Variants in PTPRD observed in about 807,000 individuals in gnomAD.
The protein encoded by PTPRD is protein tyrosine phosphatase receptor type D.
PTPRD carries 34 observed loss-of-function variants against 214.5 expected under a neutral mutation model. The observed-to-expected ratio is 0.16, with a 90% CI of 0.12 to 0.21. The LOEUF is 0.21. PTPRD is among the 10% of genes least tolerant of loss of function. The probability of loss-of-function intolerance (pLI) is 1.00; values close to 1 mark genes in which losing one functional copy is unlikely to be tolerated. For missense variants in PTPRD, 2,545 were observed against 2,398.7 expected, an observed-to-expected ratio of 1.06 and a Z score of -1.27; for synonymous variants, 1,128 against 845.7, an observed-to-expected ratio of 1.33 and a Z score of -5.79.
At chr9:8,772,855 C>G (rs890373248) in intron 11 of PTPRD, among the ~76,000 whole-genome samples, 1 of 151,942 alleles carries the variant, frequency 6.6e-6, no homozygotes, top group African/African-American at 2.4e-5. Flanking sequence ...TTTTGTGTCC[C>G]TATAAATATT....
At chr9:10,107,392 A>G (rs2098644537) in intron 3 of PTPRD, among the ~76,000 whole-genome samples, 1 of 152,082 alleles carries the variant, frequency 6.6e-6, no homozygotes, top group African/African-American at 2.4e-5. Context: ...CATGCTGCAT[A>G]AACATGACTC....
intron 11 of PTPRD, among the ~76,000 whole-genome samples, chr9:8,974,885 T>C (rs1431045436): frequency 1.3e-5 from 2 of 151,702 alleles, no homozygotes; most frequent in Non-Finnish European, 2.9e-5. Flanking sequence ...TCACCTGAAG[T>C]CAGGAGTTCG....
intron 35 of PTPRD, among the ~76,000 whole-genome samples, chr9:8,421,318 T>G (rs1245727401): frequency 6.6e-6 from 1 of 152,062 alleles, no homozygotes; most frequent in Admixed American, 6.5e-5. Context: ...TTTCTCTTCC[T>G]TCTTTCTTTC....
chr9:10,279,118 A>C (rs1400561598), intron 3 of PTPRD, among the ~76,000 whole-genome samples: 2 of 151,770 alleles, frequency 1.3e-5, no homozygotes, highest in African/African-American at 2.4e-5. Context: ...CTCAATCCTC[A>C]CTTCTCTTTG....
rs1555222269 is a variant in PTPRD at position 10,363,995 on chromosome 9, T to TTTTTTTGC, written c.-599-22979_-599-22978insGCAAAAAA. On this transcript the variant is annotated intron_variant, in intron 2 of 45. Transcript: ENST00000381196. ...TTATTGCCTCCACATTTTCGGGTTT[T>TTTTTTTGC]TTTTTTTTTTTTTTTTTTTTTTGAG... Among the ~76,000 whole-genome samples the TTTTTTTGC allele has an allele frequency of 3.4e-5, 2 of 58,806 alleles. 1 individual carries two copies. The highest frequency in any genetic ancestry group is 9.6e-5 in the Non-Finnish European group (2 of 20,742). 38.6% of individuals were successfully genotyped at this position (58,806 alleles called of 152,430 possible).
At chr9:8,863,926 A>C (rs1485311496) in intron 11 of PTPRD, among the ~76,000 whole-genome samples, 4 of 152,200 alleles carry the variant, frequency 2.6e-5, no homozygotes, top group African/African-American at 9.6e-5. Flanking sequence ...TTTGTATCTT[A>C]GGTAAGAAAA....
At chr9:8,399,697 T>A (rs2092030159) in intron 36 of PTPRD, among the ~76,000 whole-genome samples, 2 of 152,168 alleles carry the variant, frequency 1.3e-5, no homozygotes, top group African/African-American at 4.8e-5. Context: ...AAATGTGTAT[T>A]TGAAAATTCT....
At chr9:9,954,092 T>C (rs543866701) in intron 4 of PTPRD, among the ~76,000 whole-genome samples, 91 of 151,972 alleles carry the variant, frequency 6.0e-4, no homozygotes, top group African/African-American at 2.0e-3. Context: ...GGTCAGAAGT[T>C]TGAGACCAGT....
chr9:9,914,144 A>G (rs939429468), intron 5 of PTPRD, among the ~76,000 whole-genome samples: 1 of 152,110 alleles, frequency 6.6e-6, no homozygotes, highest in Non-Finnish European at 1.5e-5. Context: ...TCCTTTCCCA[A>G]TGCAGGAGAG....
intron 5 of PTPRD, among the ~76,000 whole-genome samples, chr9:9,931,371 A>C (rs1216206072): frequency 6.6e-6 from 1 of 152,146 alleles, no homozygotes; most frequent in African/African-American, 2.4e-5. Flanking sequence ...GGGTGCGTGC[A>C]CCGTGCGTGA....
intron 9 of PTPRD, among the ~76,000 whole-genome samples, chr9:9,324,508 A>C (rs1228031559): frequency 6.6e-6 from 1 of 152,154 alleles, no homozygotes; most frequent in Non-Finnish European, 1.5e-5. Flanking sequence ...GTGTCTGTTC[A>C]TATCCTTTGC....
intron 7 of PTPRD, among the ~76,000 whole-genome samples, chr9:9,646,070 C>T (rs561740362): frequency 6.6e-6 from 1 of 152,120 alleles, no homozygotes; most frequent in East Asian, 1.9e-4. Flanking sequence ...GTATTTAATA[C>T]ACATTTACAA....
chr9:10,187,051 A>T (rs1564399255), intron 3 of PTPRD, among the ~76,000 whole-genome samples: 1 of 152,194 alleles, frequency 6.6e-6, no homozygotes, highest in Non-Finnish European at 1.5e-5. Context: ...TAAGAAATCA[A>T]CATAAGAAAA....
intron 14 of PTPRD, among the ~76,000 whole-genome samples, chr9:8,534,508 T>C (rs1391038490): frequency 1.3e-5 from 2 of 151,750 alleles, no homozygotes; most frequent in Non-Finnish European, 2.9e-5. Context: ...AGAACAAGAG[T>C]GATTTCTTTT....
intron 11 of PTPRD, among the ~76,000 whole-genome samples, chr9:8,929,221 C>A (rs2098927114): frequency 6.6e-6 from 1 of 152,080 alleles, no homozygotes; most frequent in South Asian, 2.1e-4. Context: ...ACTTCCAACA[C>A]TATGTTTAAT....
chr9:10,553,250 G>C (rs1464204945), intron 2 of PTPRD, among the ~76,000 whole-genome samples: 1 of 152,018 alleles, frequency 6.6e-6, no homozygotes, highest in Non-Finnish European at 1.5e-5. Context: ...GCATATCTTA[G>C]ATCCTAGCAG....
chr9:9,806,338 T>C (rs144333947), intron 5 of PTPRD, among the ~76,000 whole-genome samples: 84 of 152,240 alleles, frequency 5.5e-4, no homozygotes, highest in Middle Eastern at 3.4e-3. Flanking sequence ...TTTAAGGTCC[T>C]CTGAGCTGGC....
chr9:10,513,151 T>C (rs534180170), intron 2 of PTPRD, among the ~76,000 whole-genome samples: 1 of 152,030 alleles, frequency 6.6e-6, no homozygotes, highest in African/African-American at 2.4e-5. Flanking sequence ...TTTTTGTCAC[T>C]GTTATTATTT....
chr9:9,678,532 C>T (rs962775919), intron 7 of PTPRD, among the ~76,000 whole-genome samples: 13 of 151,888 alleles, frequency 8.6e-5, no homozygotes, highest in African/African-American at 2.2e-4. Flanking sequence ...AAAAATCCTT[C>T]GTATTTTTAT....
Sources: allele counts gnomAD v4.1 joint callset (sites outside exome capture counted in the v4.1 genomes callset), GRCh38; gene constraint gnomAD v4.1.1; transcripts MANE v1.5; gene names NCBI Gene and HGNC (gene_info 2026-07-23, HGNC 2026-07-21).